The following PSMG2 variants were observed in gnomAD, a reference collection of about 807,000 sequenced individuals.
The protein encoded by PSMG2 is CD40 ligand-activated specific transcript 3.
A neutral mutation model predicts 31.5 loss-of-function variants in PSMG2; 21 were observed. The observed-to-expected ratio is 0.67, with a 90% CI of 0.47 to 0.96. PSMG2 has a LOEUF of 0.96. PSMG2 is among the 40% of genes least tolerant of loss of function. PSMG2 has a pLI of 0.00. For missense variants in PSMG2, 318 were observed against 321.2 expected (o/e 0.99, Z 0.08); for synonymous variants, 120 against 110.4 (o/e 1.09, Z -0.54).
At chr18:12,699,013 A>G, upstream of PSMG2, 1 of 1,613,718 alleles carries the variant, frequency 6.2e-7, no homozygotes, top group Non-Finnish European at 8.5e-7. Context: ...GTAAAAAGCC[A>G]TCATGAAAAT....
chr18:12,697,499 G>GTT, intron 1 of PSMG2: 1 of 890,014 alleles, frequency 1.1e-6, no homozygotes, highest in Non-Finnish European at 1.6e-6. Flanking sequence ...TAAATAATAA[G>GTT]CTTATATAAA....
At chr18:12,674,010 T>G (rs1292799600) in intron 1 of PSMG2, among the ~76,000 whole-genome samples, 2 of 152,338 alleles carry the variant, frequency 1.3e-5, no homozygotes, top group African/African-American at 4.8e-5. Flanking sequence ...TACCTGAGAC[T>G]GCACCAAAAT....
In PSMG2 at chr18:12,680,716, A is replaced by G. The variant is rs765933710; in HGVS notation, c.-37+21943A>G. On this transcript the variant is annotated intron_variant, in intron 1 of 6. Coordinates refer to the PSMG2 transcript ENST00000585331. ...GATGGCCCCATCAGTTCCACAAGTC[A>G]TAACCCATGCATGAGGTACTCCTTT... 3.1e-6 allele frequency: 5 copies of G among 1,613,832 alleles called. No individual in the cohort carries two copies. In the South Asian group the frequency reaches 5.5e-5, roughly 18 times the overall value.
At chr18:12,712,874 T>A (rs2040344532) in intron 3 of PSMG2, 114 bp downstream of exon 3, 3 of 693,624 alleles carry the variant, frequency 4.3e-6, no homozygotes, top group African/African-American at 1.8e-5. Context: ...ACAGTTAAGA[T>A]CTGATTCTAC....
At position 12,683,674 on chromosome 18, in the gene PSMG2, C is replaced by T. The variant is rs562069573; in HGVS notation, c.-36-22876C>T. On this transcript the variant is annotated intron_variant, in intron 1 of 6. Transcript: ENST00000585331. Reference sequence around the variant, plus strand: ...GCTGAGGCAGGAGAATCGCTTGAACCCAGGAGACGGAGGTTGCAGTGGGCC... The same window carrying T: ...GCTGAGGCAGGAGAATCGCTTGAACTCAGGAGACGGAGGTTGCAGTGGGCC... Among the ~76,000 whole-genome samples, 269 of 151,504 alleles carry T rather than the reference C, an allele frequency of 1.8e-3. 2 individuals are homozygous for T. Among genetic ancestry groups the T allele is most frequent in the Non-Finnish European group, 2.4e-3 (161 of 67,908 alleles).
chr18:12,704,016 G>A (rs150372642), intron 1 of PSMG2, among the ~76,000 whole-genome samples: 10 of 152,310 alleles, frequency 6.6e-5, no homozygotes, highest in African/African-American at 2.4e-4. Flanking sequence ...AGTGGTATAA[G>A]GCTGGAGAGA....
chr18:12,716,043 C>T (rs1400977861), intron 3 of PSMG2, among the ~76,000 whole-genome samples: 3 of 152,122 alleles, frequency 2.0e-5, no homozygotes, highest in East Asian at 3.8e-4. Flanking sequence ...ATTCCCTTTG[C>T]GGGGTTCACC....
chr18:12,704,454 G>A (rs1335878206), intron 1 of PSMG2, among the ~76,000 whole-genome samples: 1 of 151,970 alleles, frequency 6.6e-6, no homozygotes. Flanking sequence ...GCCAGGTGTG[G>A]TTTCCTGCAC....
chr18:12,699,047 G>A (rs760281527), upstream of PSMG2: 3 of 1,613,968 alleles, frequency 1.9e-6, no homozygotes, highest in South Asian at 1.1e-5. Context: ...ACATGGAACA[G>A]GTTTAGAACG....
At chr18:12,689,426 G>C (rs1598644157) in intron 1 of PSMG2, among the ~76,000 whole-genome samples, 1 of 152,134 alleles carries the variant, frequency 6.6e-6, no homozygotes, top group East Asian at 1.9e-4. Flanking sequence ...TTGCTGTTTG[G>C]CCTTGAAAAG....
At position 12,661,073 on chromosome 18, in the gene PSMG2, C is replaced by T. The variant is rs1190870715; in HGVS notation, c.-37+2300C>T. ...CTGTAATCCCAGCAGTTTGGGAGGCCGAGGCGGGCAGATCACCTGAGGTCA... is the reference window on the plus strand; with the variant it reads ...CTGTAATCCCAGCAGTTTGGGAGGCTGAGGCGGGCAGATCACCTGAGGTCA... On this transcript the variant is annotated intron_variant, in intron 1 of 6. Transcript: ENST00000585331. 7.9e-5 allele frequency among the ~76,000 whole-genome samples: 12 copies of T among 152,010 alleles called. No homozygotes were observed. The South Asian group carries it at 2.1e-3, about 26-fold the overall frequency.
At chr18:12,692,884 A>T (rs1374360710) in intron 1 of PSMG2, among the ~76,000 whole-genome samples, 1 of 152,218 alleles carries the variant, frequency 6.6e-6, no homozygotes, top group East Asian at 1.9e-4. Flanking sequence ...GTGCTACTGC[A>T]TGATCATGGC....
upstream of PSMG2, among the ~76,000 whole-genome samples, chr18:12,698,511 A>C (rs773812849): frequency 1.2e-4 from 19 of 152,016 alleles, no homozygotes; most frequent in Non-Finnish European, 1.9e-4. Context: ...CTTTGCCCAG[A>C]CTTGTCTTGA....
chr18:12,671,040 G>A (rs1173574156), intron 1 of PSMG2: 4 of 152,032 alleles, frequency 2.6e-5, no homozygotes, highest in African/African-American at 9.7e-5. Flanking sequence ...AATTGTAGAA[G>A]AGGGATCATA....
At chr18:12,677,411 C>G (rs892130500) in intron 1 of PSMG2, among the ~76,000 whole-genome samples, 1 of 137,330 alleles carries the variant, frequency 7.3e-6, no homozygotes, top group African/African-American at 2.7e-5. Context: ...GTGCCAAGAT[C>G]ACGCCACTGC....
intron 1 of PSMG2, among the ~76,000 whole-genome samples, chr18:12,677,502 G>A (rs1377076349): frequency 3.0e-5 from 4 of 135,374 alleles, no homozygotes; most frequent in Admixed American, 7.4e-5. Context: ...GATCTCAAAA[G>A]TAATCAGGGA....
chr18:12,698,538 GA>G (rs1568033101), upstream of PSMG2, among the ~76,000 whole-genome samples: 1 of 152,114 alleles, frequency 6.6e-6, no homozygotes, highest in East Asian at 1.9e-4. Flanking sequence ...GGCTTCAAAT[GA>G]TTCTCTCACC....
Position 12,706,611 on chromosome 18 carries a change from A to C in PSMG2, c.119A>C (p.Asn40Thr). The stretch of plus-strand genomic sequence containing the variant: ...ATGGATCTGATTATTTCTACACTGA[A>C]TATGTCTAAGATTGGTTACTTCTAT... Reference protein sequence around the residue: ...LAMDLIISTLNMSKIGYFYTD... With the variant: ...LAMDLIISTLTMSKIGYFYTD... Residue 40 changes from asparagine to threonine, a missense_variant, in exon 2 of 7, where the codon AAT (asparagine) becomes ACT (threonine). By Grantham distance (65) the Asn-to-Thr change is moderately conservative (BLOSUM62 0). Transcript: ENST00000317615. The C allele has an allele frequency of 1.2e-6, 2 of 1,614,142 alleles. No homozygotes were observed. The highest frequency in any genetic ancestry group is 1.7e-6 in the Non-Finnish European group (2 of 1,180,002).
At chr18:12,696,313 G>A (rs1432184302) in intron 1 of PSMG2, among the ~76,000 whole-genome samples, 1 of 152,068 alleles carries the variant, frequency 6.6e-6, no homozygotes, top group Non-Finnish European at 1.5e-5. Flanking sequence ...GACCATCCCG[G>A]CCAACATGGT....
Sources: gnomAD v4.1 joint callset for allele counts (sites outside exome capture counted in the v4.1 genomes callset) on GRCh38, gnomAD v4.1.1 for gene constraint, MANE v1.5 for transcripts, NCBI Gene and HGNC (gene_info 2026-07-23, HGNC 2026-07-21) for gene names.